PDE1C: variants seen among roughly 807,000 people sequenced by gnomAD.
PDE1C encodes phosphodiesterase 1C.
PDE1C carries 62 observed loss-of-function variants against 93.1 expected under a neutral mutation model. The observed-to-expected ratio is 0.67, with a 90% CI of 0.54 to 0.82. The LOEUF is 0.82. PDE1C is among the 40% of genes least tolerant of loss of function. PDE1C has a pLI of 0.00. For missense variants in PDE1C, 742 were observed against 884.6 expected, an observed-to-expected ratio of 0.84 and a Z score of 2.04; for synonymous variants, 325 against 310.1, an observed-to-expected ratio of 1.05 and a Z score of -0.50.
intron 2 of PDE1C, among the ~76,000 whole-genome samples, chr7:32,038,330 C>T (rs1231848086): frequency 4.6e-5 from 7 of 151,980 alleles, no homozygotes; most frequent in Admixed American, 6.6e-5. Context: ...ATTAATCTCC[C>T]GCACAAGCAG....
intron 3 of PDE1C, among the ~76,000 whole-genome samples, chr7:32,107,150 A>G (rs893126126): frequency 1.1e-4 from 4 of 37,438 alleles, no homozygotes; most frequent in South Asian, 2.4e-3. Context: ...AAATGTAAAG[A>G]AAAAAAAAAA....
At chr7:32,282,485 A>AATAGCTAGATAGATAGATAGATAG (rs1554300204) in intron 1 of PDE1C, among the ~76,000 whole-genome samples, 4 of 143,934 alleles carry the variant, frequency 2.8e-5, no homozygotes, top group East Asian at 4.1e-4. Flanking sequence ...TCAAAAAAAA[A>AATAGCTAGATAGATAGATAGATAG]ATAGATAGAT....
the PDE1C span, among the ~76,000 whole-genome samples, chr7:31,735,303 C>A: frequency 6.3e-4 from 96 of 151,732 alleles, 1 homozygote; most frequent in African/African-American, 2.0e-3. Flanking sequence ...GAGGCTGAGG[C>A]AGGAGAATCG....
chr7:32,310,719 A>C (rs1783008306), intron 1 of PDE1C, among the ~76,000 whole-genome samples: 1 of 152,082 alleles, frequency 6.6e-6, no homozygotes, highest in African/African-American at 2.4e-5. Flanking sequence ...ACAAAGACAC[A>C]ACATACCAGA....
intron 1 of PDE1C, among the ~76,000 whole-genome samples, chr7:32,426,274 CTTTTTT>C (rs11332404): frequency 7.2e-6 from 1 of 138,762 alleles, no homozygotes; most frequent in African/African-American, 2.7e-5. Flanking sequence ...TATATTTGTA[CTTTTTT>C]TTTTTTTTTT....
At chr7:32,108,155 A>G (rs748970917) in intron 3 of PDE1C, among the ~76,000 whole-genome samples, 1 of 150,588 alleles carries the variant, frequency 6.6e-6, no homozygotes, top group African/African-American at 2.4e-5. Context: ...CTATCTCAGT[A>G]ATCACCTTAA....
At chr7:31,972,546 A>C (rs1460069815) in intron 2 of PDE1C, among the ~76,000 whole-genome samples, 2 of 152,208 alleles carry the variant, frequency 1.3e-5, no homozygotes, top group Non-Finnish European at 2.9e-5. Context: ...GCTCGGTTCC[A>C]GAATATTTTA....
intron 2 of PDE1C, among the ~76,000 whole-genome samples, chr7:32,033,389 T>C (rs1790596675): frequency 6.6e-6 from 1 of 152,122 alleles, no homozygotes; most frequent in South Asian, 2.1e-4. Context: ...ATGGAATATA[T>C]TTCATGCCAC....
intron 3 of PDE1C, among the ~76,000 whole-genome samples, chr7:32,123,458 C>T (rs2107957): frequency 0.2 from 30,823 of 151,962 alleles, 3,765 homozygotes; most frequent in Middle Eastern, 0.31. Context: ...ATGTGAAAAC[C>T]TCAATAAAAC....
At chr7:31,782,235 G>T (rs753012539) in intron 16 of PDE1C, among the ~76,000 whole-genome samples, 5 of 151,384 alleles carry the variant, frequency 3.3e-5, no homozygotes, top group African/African-American at 4.8e-5. Context: ...ACAAGAAAAT[G>T]CTTACAATCC....
chr7:32,064,488 C>T (rs1001888524), intron 1 of PDE1C, among the ~76,000 whole-genome samples: 5 of 152,126 alleles, frequency 3.3e-5, no homozygotes, highest in East Asian at 1.9e-4. Context: ...TCTTCAGCAG[C>T]GCTACCCCAA....
the PDE1C span, among the ~76,000 whole-genome samples, chr7:31,718,031 G>C: frequency 6.6e-6 from 1 of 152,126 alleles, no homozygotes; most frequent in Non-Finnish European, 1.5e-5. Flanking sequence ...CAGGTAGCAT[G>C]GCCTTCTTAC....
the PDE1C span, among the ~76,000 whole-genome samples, chr7:31,622,207 G>A: frequency 5.6e-4 from 79 of 142,020 alleles, no homozygotes; most frequent in East Asian, 0.016. Context: ...GAGAGAGAAA[G>A]TCAACAAGGA....
chr7:32,041,316 C>T (rs776169156), intron 2 of PDE1C, among the ~76,000 whole-genome samples: 3 of 152,212 alleles, frequency 2.0e-5, no homozygotes, highest in African/African-American at 4.8e-5. Context: ...TGTATTCCAA[C>T]CCTATACTCT....
chr7:31,754,011 A>G (rs1341931771), intron 17 of PDE1C, among the ~76,000 whole-genome samples: 1 of 152,250 alleles, frequency 6.6e-6, no homozygotes, highest in Non-Finnish European at 1.5e-5. Context: ...AAACACATAT[A>G]AAGATCTTGT....
At chr7:31,695,089 C>G in the PDE1C span, among the ~76,000 whole-genome samples, 1 of 152,102 alleles carries the variant, frequency 6.6e-6, no homozygotes, top group Non-Finnish European at 1.5e-5. Context: ...CTTGGGGTCT[C>G]CAAAGAGAGC....
At chr7:31,977,282 G>C (rs1479286473) in intron 2 of PDE1C, among the ~76,000 whole-genome samples, 3 of 152,094 alleles carry the variant, frequency 2.0e-5, no homozygotes, top group East Asian at 1.9e-4. Context: ...AGCATTTGAT[G>C]CCCTCCAACA....
the PDE1C span, among the ~76,000 whole-genome samples, chr7:31,619,516 C>G: frequency 6.9e-6 from 1 of 144,392 alleles, no homozygotes; most frequent in South Asian, 2.4e-4. Flanking sequence ...AGAATAACAT[C>G]TGATTTATTT....
At chr7:32,041,549 T>C (rs1791813534) in intron 2 of PDE1C, among the ~76,000 whole-genome samples, 1 of 152,338 alleles carries the variant, frequency 6.6e-6, no homozygotes, top group East Asian at 1.9e-4. Context: ...GAAAAGGCAG[T>C]ATCGTATTAA....
Sources: allele counts gnomAD v4.1 joint callset (sites outside exome capture counted in the v4.1 genomes callset), GRCh38; gene constraint gnomAD v4.1.1; transcripts MANE v1.5; gene names NCBI Gene and HGNC (gene_info 2026-07-23, HGNC 2026-07-21).